ART3: variants seen among roughly 807,000 people sequenced by gnomAD.
ART3 encodes ADP-ribosyltransferase 3 (inactive), also known as ecto-ADP-ribosyltransferase 3.
In ART3, 49 loss-of-function variants were observed where a neutral mutation model predicts 48.5. The observed-to-expected ratio is 1.01, with a 90% CI of 0.80 to 1.28. The LOEUF is 1.28. ART3 is among the 50% of genes most tolerant of loss of function. The pLI, the probability that ART3 is intolerant of heterozygous loss-of-function variation, is 0.00. For synonymous variants in ART3, 145 were observed against 157.2 expected (o/e 0.92, Z 0.58); for missense variants, 438 against 454.3 (o/e 0.96, Z 0.33).
At chr4:76,024,855 AC>A (rs1418114276) in intron 1 of ART3, among the ~76,000 whole-genome samples, 3 of 152,176 alleles carry the variant, frequency 2.0e-5, no homozygotes, top group African/African-American at 7.2e-5. Flanking sequence ...CTAGGCAGAT[AC>A]TGTCTCAGAA....
At chr4:76,065,692 A>G (rs1282117468) in intron 1 of ART3, among the ~76,000 whole-genome samples, 2 of 151,912 alleles carry the variant, frequency 1.3e-5, no homozygotes, top group South Asian at 2.1e-4. Context: ...AAATCTACCA[A>G]TAGGATTTGT....
At chr4:76,039,204 A>G (rs1464564574) in intron 1 of ART3, among the ~76,000 whole-genome samples, 3 of 149,816 alleles carry the variant, frequency 2.0e-5, no homozygotes, top group Non-Finnish European at 4.4e-5. Flanking sequence ...GGTTCAAGCG[A>G]TTTTCTTGCC....
At chr4:76,022,283 G>A in intron 1 of ART3, 1 of 1,164,864 alleles carries the variant, frequency 8.6e-7, no homozygotes, top group Admixed American at 1.7e-5. Context: ...CGATTGCACA[G>A]CAAACCACAA....
At chr4:76,013,254 T>C (rs1183122257) in intron 1 of ART3, among the ~76,000 whole-genome samples, 1 of 152,176 alleles carries the variant, frequency 6.6e-6, no homozygotes, top group African/African-American at 2.4e-5. Context: ...GGAGAAGGTA[T>C]GCCAAATTTG....
chr4:76,065,132 T>C (rs1179374819), intron 1 of ART3, among the ~76,000 whole-genome samples: 1 of 152,160 alleles, frequency 6.6e-6, no homozygotes, highest in Non-Finnish European at 1.5e-5. Flanking sequence ...GTAGCCATAG[T>C]GGTGGTGAGT....
rs1347951293 is a variant in ART3 at position 76,092,940 on chromosome 4, T to G, written c.782-4704T>G. Reference sequence around the variant, plus strand: ...ATGGTTTAAAACAACACATCTAGATTTATTATCATAAAATTCTGTATTTCA... The same window carrying G: ...ATGGTTTAAAACAACACATCTAGATGTATTATCATAAAATTCTGTATTTCA... On this transcript the variant is annotated intron_variant, in intron 3 of 11. Transcript: ENST00000355810. 3.3e-5 allele frequency among the ~76,000 whole-genome samples: 5 copies of G among 152,364 alleles called. No homozygotes were observed. In the East Asian group the frequency reaches 7.7e-4, roughly 23 times the overall value.
At chr4:76,089,819 C>T (rs559260591) in intron 3 of ART3, among the ~76,000 whole-genome samples, 6 of 152,230 alleles carry the variant, frequency 3.9e-5, no homozygotes, top group South Asian at 4.1e-4. Context: ...CGGTGGCTCA[C>T]GTCTGTAATC....
intron 10 of ART3, chr4:76,106,313 G>T: frequency 1.0e-6 from 1 of 985,362 alleles, no homozygotes; most frequent in Non-Finnish European, 1.2e-6. Flanking sequence ...TCTATGCTAG[G>T]CACACACTTG....
chr4:76,068,816 C>G (rs1219530541), intron 1 of ART3, among the ~76,000 whole-genome samples: 1 of 152,162 alleles, frequency 6.6e-6, no homozygotes, highest in Non-Finnish European at 1.5e-5. Context: ...AAAATTCATT[C>G]ATGTAAAGTA....
chr4:76,026,768 A>T (rs1235527938), intron 1 of ART3, among the ~76,000 whole-genome samples: 2 of 152,256 alleles, frequency 1.3e-5, no homozygotes, highest in Non-Finnish European at 2.9e-5. Context: ...CATATCATGT[A>T]TATGGCCATG....
intron 3 of ART3, among the ~76,000 whole-genome samples, chr4:76,085,470 G>T (rs1723350349): frequency 6.6e-6 from 1 of 152,166 alleles, no homozygotes; most frequent in Non-Finnish European, 1.5e-5. Flanking sequence ...ACCTGCACTT[G>T]TATATTCCTG....
intron 10 of ART3, among the ~76,000 whole-genome samples, chr4:76,106,602 C>A (rs1728529956): frequency 6.6e-6 from 1 of 152,108 alleles, no homozygotes; most frequent in Admixed American, 6.6e-5. Flanking sequence ...CAGCTGCAGG[C>A]ATATTCCCCA....
chr4:76,040,438 A>ACACACACACACG (rs1553926414), intron 1 of ART3, among the ~76,000 whole-genome samples: 2 of 64,528 alleles, frequency 3.1e-5, no homozygotes, highest in Admixed American at 1.7e-4. Flanking sequence ...TACACTGGAT[A>ACACACACACACG]CACACACACA....
chr4:76,048,870 G>A (rs1168017549), intron 1 of ART3, among the ~76,000 whole-genome samples: 1 of 151,858 alleles, frequency 6.6e-6, no homozygotes, highest in East Asian at 1.9e-4. Context: ...GCATTCTCCT[G>A]TTAGTATTGG....
intron 1 of ART3, among the ~76,000 whole-genome samples, chr4:76,060,973 A>G (rs1170325256): frequency 6.6e-6 from 1 of 152,242 alleles, no homozygotes; most frequent in African/African-American, 2.4e-5. Flanking sequence ...TAGCCCTGCC[A>G]ACACTTTGAT....
chr4:76,110,743 A>G (rs1729319770), intron 11 of ART3, among the ~76,000 whole-genome samples: 1 of 152,306 alleles, frequency 6.6e-6, no homozygotes, highest in African/African-American at 2.4e-5. Flanking sequence ...GTCCACTTAT[A>G]CATGGATTTT....
chr4:76,050,474 T>C (rs28757394), intron 1 of ART3, among the ~76,000 whole-genome samples: 89,018 of 151,924 alleles, frequency 0.59, 26,945 homozygotes, highest in East Asian at 0.94. Context: ...AGGGTGCTGA[T>C]TGGTGTATTT....
upstream of ART3, among the ~76,000 whole-genome samples, chr4:76,071,126 G>C (rs1455565869): frequency 6.6e-6 from 1 of 152,036 alleles, no homozygotes; most frequent in Non-Finnish European, 1.5e-5. Context: ...AAGGCAGGCG[G>C]ATCATTTGAG....
At chr4:76,027,846 T>C (rs574298242) in intron 1 of ART3, among the ~76,000 whole-genome samples, 10 of 149,214 alleles carry the variant, frequency 6.7e-5, no homozygotes, top group Admixed American at 5.4e-4. Context: ...GTTTTTCCAG[T>C]CCAGAAATTC....
Sources: allele counts gnomAD v4.1 joint callset (sites outside exome capture counted in the v4.1 genomes callset), GRCh38; gene constraint gnomAD v4.1.1; transcripts MANE v1.5; gene names NCBI Gene and HGNC (gene_info 2026-07-23, HGNC 2026-07-21).